MAPK6: variants seen among roughly 807,000 people sequenced by gnomAD.
MAPK6 encodes ERK-3.
In MAPK6, 19 loss-of-function variants were observed where a neutral mutation model predicts 59.3. That is an observed-to-expected ratio of 0.32 (90% CI 0.22 to 0.47). MAPK6 has a LOEUF of 0.47. Ranked by LOEUF, MAPK6 falls within the 20% of genes least tolerant of loss-of-function variation. The pLI, the probability that MAPK6 is intolerant of heterozygous loss-of-function variation, is 1.00. For missense variants in MAPK6, 724 were observed against 847.9 expected, an observed-to-expected ratio of 0.85 and a Z score of 1.81; for synonymous variants, 316 against 290.3, an observed-to-expected ratio of 1.09 and a Z score of -0.90.
Position 52,046,380 on chromosome 15 carries a change from A to G in MAPK6, c.-81A>G, listed in dbSNP as rs113845594. Reference sequence around the variant, plus strand: ...TATTTTTCTTCTCCCTTTTTGAAAGATCTTTCCTTTTGATGCCAGTTTTCT... The same window carrying G: ...TATTTTTCTTCTCCCTTTTTGAAAGGTCTTTCCTTTTGATGCCAGTTTTCT... On this transcript the variant is annotated 5_prime_UTR_variant, in exon 2 of 6. Coordinates refer to ENST00000261845, the MANE Select transcript of MAPK6 (RefSeq NM_002748.4). The G allele has an allele frequency of 7.7e-5, 81 of 1,050,208 alleles. 1 individual carries two copies. The highest frequency in any genetic ancestry group is 1.0e-4 in the Non-Finnish European group (74 of 711,654). The allele number at this position is 1,050,208 out of a possible 1,614,324, so 65.1% of individuals were successfully genotyped here.
At chr15:51,976,077 T>C (rs2057156398) in intron 1 of MAPK6, among the ~76,000 whole-genome samples, 2 of 151,468 alleles carry the variant, frequency 1.3e-5, no homozygotes, top group Admixed American at 6.6e-5. Flanking sequence ...CCATCCTGGC[T>C]AACACGGTGA....
At chr15:52,023,881 G>A (rs1361534854) in intron 1 of MAPK6, among the ~76,000 whole-genome samples, 2 of 152,128 alleles carry the variant, frequency 1.3e-5, no homozygotes, top group Admixed American at 6.5e-5. Flanking sequence ...CAAAGTGCTG[G>A]GATTACGGGC....
At chr15:52,033,496 G>A (rs2031121727) in intron 1 of MAPK6, among the ~76,000 whole-genome samples, 1 of 152,168 alleles carries the variant, frequency 6.6e-6, no homozygotes, top group Non-Finnish European at 1.5e-5. Flanking sequence ...CAGATTGTTT[G>A]GGCTTTGGAC....
chr15:51,980,235 T>C (rs2057169170), intron 1 of MAPK6, among the ~76,000 whole-genome samples: 1 of 148,356 alleles, frequency 6.7e-6, no homozygotes, highest in Non-Finnish European at 1.5e-5. Context: ...GCAGATGTTG[T>C]GGTGAGCCGA....
rs1370858021 is a variant in MAPK6 at position 52,066,711 on chromosome 15, C to T, written c.*1711C>T. On this transcript the variant is annotated 3_prime_UTR_variant, in exon 6 of 6. Transcript: ENST00000261845. ...ACCAATTCTATTAATATCTGCCCACCTACCTTCTCAACAACTGACTTCATC... is the reference window on the plus strand; with the variant it reads ...ACCAATTCTATTAATATCTGCCCACTTACCTTCTCAACAACTGACTTCATC... The T allele has an allele frequency of 6.6e-6, 1 of 151,870 alleles. No homozygotes were observed. Among genetic ancestry groups the T allele is most frequent in the Non-Finnish European group, 1.5e-5 (1 of 68,024 alleles). The allele number at this position is 151,870 out of a possible 1,614,324, so 9.4% of individuals were successfully genotyped here.
chr15:51,988,534 C>G (rs28363832), intron 2 of MAPK6, among the ~76,000 whole-genome samples: 1 of 151,962 alleles, frequency 6.6e-6, no homozygotes, highest in Non-Finnish European at 1.5e-5. Flanking sequence ...GAGTTCAAGA[C>G]CAGCCTGGCC....
intron 1 of MAPK6, among the ~76,000 whole-genome samples, chr15:52,029,438 T>C (rs1041987822): frequency 6.6e-6 from 1 of 152,128 alleles, no homozygotes; most frequent in African/African-American, 2.4e-5. Flanking sequence ...CCCTAGATGG[T>C]CTCATTCAAC....
chr15:52,025,549 T>C (rs2030737585), intron 1 of MAPK6, among the ~76,000 whole-genome samples: 2 of 152,246 alleles, frequency 1.3e-5, no homozygotes, highest in Non-Finnish European at 2.9e-5. Flanking sequence ...ACGCCTGTAA[T>C]GCCAGCACTT....
intron 3 of MAPK6, among the ~76,000 whole-genome samples, chr15:52,012,850 G>A (rs1364089666): frequency 6.6e-6 from 1 of 151,208 alleles, no homozygotes; most frequent in African/African-American, 2.4e-5. Context: ...AGCCGGGCGT[G>A]GTGGTGGGTG....
chr15:51,978,989 T>G (rs989873493), intron 1 of MAPK6, among the ~76,000 whole-genome samples: 5 of 151,218 alleles, frequency 3.3e-5, no homozygotes, highest in Non-Finnish European at 7.4e-5. Context: ...CTCACCCCTG[T>G]AGTCCCAGCT....
chr15:52,043,172 G>T (rs2031480735), intron 1 of MAPK6, among the ~76,000 whole-genome samples: 1 of 152,166 alleles, frequency 6.6e-6, no homozygotes, highest in Admixed American at 6.5e-5. Flanking sequence ...ATTTAGTGGG[G>T]AGCGAGCAGG....
At chr15:52,054,558 A>G (rs1295433800) in intron 3 of MAPK6, among the ~76,000 whole-genome samples, 2 of 152,142 alleles carry the variant, frequency 1.3e-5, no homozygotes, top group African/African-American at 4.8e-5. Flanking sequence ...CATACTGTCA[A>G]CTTTAGCTTT....
intron 1 of MAPK6, among the ~76,000 whole-genome samples, chr15:52,040,818 A>G (rs1171923313): frequency 6.6e-6 from 1 of 152,240 alleles, no homozygotes; most frequent in Admixed American, 6.5e-5. Context: ...GCTGGTATCC[A>G]GCCTGCATTA....
At chr15:51,981,458 C>T (rs543588204) in intron 1 of MAPK6, among the ~76,000 whole-genome samples, 2 of 141,032 alleles carry the variant, frequency 1.4e-5, no homozygotes, top group East Asian at 2.0e-4. Flanking sequence ...GGTGACAGAG[C>T]GAGACTCCGT....
chr15:52,025,372 C>T (rs1034064400), intron 1 of MAPK6, among the ~76,000 whole-genome samples: 6 of 152,186 alleles, frequency 3.9e-5, no homozygotes, highest in African/African-American at 1.4e-4. Context: ...TAATCACTGC[C>T]CAGTTGAACT....
intron 1 of MAPK6, among the ~76,000 whole-genome samples, chr15:51,976,876 G>A (rs143941859): frequency 0.012 from 1,872 of 151,722 alleles, 60 homozygotes; most frequent in Non-Finnish European, 0.022. Flanking sequence ...CCCGGGAGGC[G>A]GAGGATGCAG....
At chr15:52,040,730 A>C (rs1200369097) in intron 1 of MAPK6, among the ~76,000 whole-genome samples, 1 of 152,160 alleles carries the variant, frequency 6.6e-6, no homozygotes. Flanking sequence ...GCAGGAGGTA[A>C]TGTAGCAAAG....
intron 1 of MAPK6, among the ~76,000 whole-genome samples, chr15:51,981,335 T>C (rs961551051): frequency 6.6e-6 from 1 of 151,674 alleles, no homozygotes; most frequent in Non-Finnish European, 1.5e-5. Context: ...TAGCCGCGTG[T>C]GGTGGCGGGC....
intron 5 of MAPK6, among the ~76,000 whole-genome samples, chr15:52,062,894 G>T (rs2032259141): frequency 6.6e-6 from 1 of 150,588 alleles, no homozygotes; most frequent in Admixed American, 6.6e-5. Context: ...GAGTCATCAG[G>T]TGATTTTGAT....
Sources: allele counts gnomAD v4.1 joint callset (sites outside exome capture counted in the v4.1 genomes callset), GRCh38; gene constraint gnomAD v4.1.1; transcripts MANE v1.5; gene names NCBI Gene and HGNC (gene_info 2026-07-23, HGNC 2026-07-21).